Variants in GRID1 observed in about 807,000 individuals in gnomAD.
GRID1 encodes the protein glutamate ionotropic receptor delta type subunit 1.
GRID1 carries 28 observed loss-of-function variants against 98.0 expected under a neutral mutation model. That is an observed-to-expected ratio of 0.29 (90% CI 0.21 to 0.39). GRID1 has a LOEUF of 0.39. Among genes scored for constraint, GRID1 ranks in the 10% least tolerant of loss-of-function variants. The pLI is 1.00. For missense variants in GRID1, 1,111 were observed against 1,340.5 expected (o/e 0.83, Z 2.67); for synonymous variants, 553 against 538.5 (o/e 1.03, Z -0.37).
chr10:86,171,969 T>G (rs12252741), intron 3 of GRID1, among the ~76,000 whole-genome samples: 38,770 of 152,080 alleles, frequency 0.25, 5,607 homozygotes, highest in African/African-American at 0.39. Context: ...TGTGATGTGG[T>G]TGGTATATTT....
At chr10:85,843,578 A>T (rs950663509) in intron 8 of GRID1, among the ~76,000 whole-genome samples, 3 of 152,088 alleles carry the variant, frequency 2.0e-5, no homozygotes, top group Admixed American at 1.3e-4. Context: ...AAGAATTCTC[A>T]AAACTCAACA....
At chr10:85,919,152 C>G (rs1841664497) in intron 4 of GRID1, among the ~76,000 whole-genome samples, 1 of 152,184 alleles carries the variant, frequency 6.6e-6, no homozygotes. Context: ...TCTGCTTGTC[C>G]TGGAAGAAGC....
intron 3 of GRID1, among the ~76,000 whole-genome samples, chr10:86,163,434 T>C (rs149520640): frequency 1.3e-5 from 2 of 151,168 alleles, no homozygotes; most frequent in Non-Finnish European, 2.9e-5. Flanking sequence ...TCATTATACT[T>C]TAAGTTCTAG....
At chr10:86,115,841 T>C (rs1844568617) in intron 4 of GRID1, among the ~76,000 whole-genome samples, 1 of 152,242 alleles carries the variant, frequency 6.6e-6, no homozygotes, top group Admixed American at 6.5e-5. Flanking sequence ...AACATTTCAG[T>C]TAACCATGTA....
intron 8 of GRID1, among the ~76,000 whole-genome samples, chr10:85,847,712 G>A (rs1048348511): frequency 6.6e-6 from 1 of 150,800 alleles, no homozygotes; most frequent in Non-Finnish European, 1.5e-5. Context: ...GGTAGATTTT[G>A]TTGAAAAAAA....
chr10:85,739,159 C>A (rs1241165403), intron 8 of GRID1, among the ~76,000 whole-genome samples: 3 of 151,880 alleles, frequency 2.0e-5, no homozygotes, highest in Admixed American at 6.6e-5. Flanking sequence ...TACACACAAA[C>A]ACACACACAC....
chr10:85,861,065 T>C (rs1372401378), intron 6 of GRID1, among the ~76,000 whole-genome samples: 1 of 152,194 alleles, frequency 6.6e-6, no homozygotes, highest in Non-Finnish European at 1.5e-5. Flanking sequence ...CAGATTTCAA[T>C]ATGTATGAGC....
chr10:85,946,905 T>C (rs1172765439), intron 4 of GRID1, among the ~76,000 whole-genome samples: 2 of 152,102 alleles, frequency 1.3e-5, no homozygotes, highest in African/African-American at 4.8e-5. Context: ...AAGCACACAG[T>C]CATAAGCTCC....
intron 2 of GRID1, among the ~76,000 whole-genome samples, chr10:86,232,210 G>A (rs1846466520): frequency 6.6e-6 from 1 of 152,156 alleles, no homozygotes; most frequent in Admixed American, 6.5e-5. Flanking sequence ...AGGGCCCCAG[G>A]GGAATAACGC....
At chr10:85,875,597 C>T (rs1564615556) in intron 5 of GRID1, among the ~76,000 whole-genome samples, 1 of 151,932 alleles carries the variant, frequency 6.6e-6, no homozygotes. Context: ...TGTTTCCTAT[C>T]TTTACTTATT....
chr10:85,626,436 C>A, intron 13 of GRID1, among the ~76,000 whole-genome samples: 1 of 152,136 alleles, frequency 6.6e-6, no homozygotes, highest in East Asian at 1.9e-4. Flanking sequence ...GGTGACAGAC[C>A]ACACACAAAT....
At chr10:85,639,848 G>A (rs760206514) in intron 13 of GRID1, among the ~76,000 whole-genome samples, 8 of 152,162 alleles carry the variant, frequency 5.3e-5, no homozygotes, top group South Asian at 2.1e-4. Flanking sequence ...TCCAGCCTGA[G>A]CAACAAGAGC....
At chr10:86,191,557 A>C (rs1434040692) in intron 3 of GRID1, among the ~76,000 whole-genome samples, 1 of 150,254 alleles carries the variant, frequency 6.7e-6, no homozygotes, top group Non-Finnish European at 1.5e-5. Flanking sequence ...ACTGAGAAGC[A>C]TGGTCAGGAG....
At chr10:86,271,064 C>T (rs889169515) in intron 2 of GRID1, among the ~76,000 whole-genome samples, 27 of 152,124 alleles carry the variant, frequency 1.8e-4, no homozygotes, top group Middle Eastern at 3.2e-3. Context: ...AGACACCTGG[C>T]GAGCTTTCAG....
intron 2 of GRID1, among the ~76,000 whole-genome samples, chr10:86,261,876 A>T (rs899921487): frequency 1.3e-5 from 2 of 152,226 alleles, no homozygotes; most frequent in African/African-American, 4.8e-5. Flanking sequence ...TGTATCTCAG[A>T]GCCTGGCACA....
rs1455867421 is a variant in GRID1 at position 85,821,195 on chromosome 10, T to C, written c.1233+33301A>G. Among the ~76,000 whole-genome samples, 3 of 151,620 alleles carry C rather than the reference T, an allele frequency of 2.0e-5. No individual in the cohort carries two copies. The East Asian group carries it at 5.8e-4, about 29-fold the overall frequency. ...TATATATTATATTTACATAAAATTA[T>C]AGGAAACACCAAATAAACCATTGTA... On this transcript the variant is annotated intron_variant, in intron 8 of 15. Coordinates refer to ENST00000327946, the MANE Select transcript of GRID1 (RefSeq NM_017551.3).
intron 4 of GRID1, among the ~76,000 whole-genome samples, chr10:85,960,108 C>G (rs1250756260): frequency 6.6e-6 from 1 of 152,156 alleles, no homozygotes; most frequent in Non-Finnish European, 1.5e-5. Flanking sequence ...CAGGGTTGGC[C>G]AGGCTGGTCT....
At chr10:86,031,651 C>T (rs928041600) in intron 4 of GRID1, among the ~76,000 whole-genome samples, 21 of 152,132 alleles carry the variant, frequency 1.4e-4, no homozygotes, top group Non-Finnish European at 2.9e-4. Context: ...GCCCCTACCA[C>T]CTCTTGCCTG....
chr10:85,902,232 C>G (rs1841399016), intron 5 of GRID1, among the ~76,000 whole-genome samples: 2 of 152,258 alleles, frequency 1.3e-5, no homozygotes, highest in African/African-American at 4.8e-5. Context: ...ATCTGATAAC[C>G]TAGTAGTAGG....
Sources: gnomAD v4.1 joint callset for allele counts (sites outside exome capture counted in the v4.1 genomes callset) on GRCh38, gnomAD v4.1.1 for gene constraint, MANE v1.5 for transcripts, NCBI Gene and HGNC (gene_info 2026-07-23, HGNC 2026-07-21) for gene names.